Variants in AKAP9 observed in about 807,000 individuals in gnomAD.
AKAP9 encodes the protein A-kinase anchor protein 9.
In AKAP9, 311 loss-of-function variants were observed where a neutral mutation model predicts 488.5. That is an observed-to-expected ratio of 0.64 (90% CI 0.58 to 0.70). AKAP9 has a LOEUF of 0.70. Among genes scored for constraint, AKAP9 ranks in the 30% least tolerant of loss-of-function variants. The pLI, the probability that AKAP9 is intolerant of heterozygous loss-of-function variation, is 0.00. For synonymous variants in AKAP9, 1,462 were observed against 1,483.5 expected (o/e 0.99, Z 0.33); for missense variants, 4,215 against 4,374.5 (o/e 0.96, Z 1.03).
rs996476158 is a variant in AKAP9, at chr7:92,085,634, T to C, written c.8972T>C (p.Ile2991Thr). ...GAGAGAAAAGCTTACATCAATACAA[T>C]CTCATCTCTAAAGGATTTAATTACA... ...LEERKAYINT[I>T]SSLKDLITKM... is the part of the protein sequence containing the mutation. The change falls in exon 36 of 50, where the codon ATC becomes ACC. Residue 2991 changes from isoleucine to threonine, a missense_variant. Ile to Thr is a moderately conservative substitution (Grantham distance 89, BLOSUM62 -1). Transcript: ENST00000356239. 4.3e-6 allele frequency: 7 copies of C among 1,613,614 alleles called. No individual in the cohort carries two copies. The African/African-American group carries it at 8.0e-5, about 18-fold the overall frequency.
At chr7:92,015,295 A>G (rs1322611610) in intron 10 of AKAP9, among the ~76,000 whole-genome samples, 1 of 152,200 alleles carries the variant, frequency 6.6e-6, no homozygotes, top group African/African-American at 2.4e-5. Flanking sequence ...AAGAACCGGA[A>G]CAACGCGTCA....
chr7:92,086,465 G>A (rs754863577), intron 37 of AKAP9, 49 bp downstream of exon 37: 1 of 1,444,998 alleles, frequency 6.9e-7, no homozygotes, highest in African/African-American at 1.4e-5. Context: ...ATAAGGAAAT[G>A]ACTATTGATT....
chr7:92,000,163 A>G (rs1798972339), intron 7 of AKAP9, among the ~76,000 whole-genome samples: 2 of 152,204 alleles, frequency 1.3e-5, no homozygotes, highest in Non-Finnish European at 2.9e-5. Flanking sequence ...CCAAATAAGA[A>G]CTGGGGGAGA....
chr7:91,988,193 G>A (rs1224787914), intron 3 of AKAP9, among the ~76,000 whole-genome samples: 1 of 143,584 alleles, frequency 7.0e-6, no homozygotes, highest in African/African-American at 2.6e-5. Flanking sequence ...ATCATCACAA[G>A]ATATGTCATA....
intron 1 of AKAP9, among the ~76,000 whole-genome samples, chr7:91,955,268 T>A (rs1170363636): frequency 6.6e-6 from 1 of 152,164 alleles, no homozygotes; most frequent in Non-Finnish European, 1.5e-5. Flanking sequence ...TAAAAATACT[T>A]AAATATTTCT....
intron 1 of AKAP9, among the ~76,000 whole-genome samples, chr7:91,955,035 G>A (rs1280240118): frequency 1.3e-5 from 2 of 152,140 alleles, no homozygotes; most frequent in African/African-American, 2.4e-5. Context: ...TATGATTATT[G>A]TATGACACAC....
intron 16 of AKAP9, among the ~76,000 whole-genome samples, chr7:92,035,194 CCCCGTGACTTCCT>C (rs1804989026): frequency 1.3e-5 from 2 of 152,282 alleles, no homozygotes; most frequent in East Asian, 3.9e-4. Context: ...ATATTATTTC[CCCCGTGACTTCCT>C]CTTTGATTCA....
rs570181505 is a variant in AKAP9 at position 92,045,920 on chromosome 7, G to A, written c.5368+707G>A. On this transcript the variant is annotated intron_variant, in intron 21 of 49. Transcript: ENST00000356239. ...GCAGTCTGGGCTCACTGCAACCTCT[G>A]TCTCCCGGGTTCAAGCAATTCTCCT... Among the ~76,000 whole-genome samples, 11 of 140,158 alleles carry A rather than the reference G, an allele frequency of 7.8e-5. No individual in the cohort carries two copies. The South Asian group carries it at 2.4e-3, about 31-fold the overall frequency. 91.9% of individuals were successfully genotyped at this position (140,158 alleles called of 152,430 possible). A position where few individuals can be genotyped will look rare whatever the true frequency, so the allele number is the denominator to read the frequency against.
chr7:92,032,762 A>AT (rs559159995), intron 16 of AKAP9, among the ~76,000 whole-genome samples: 613 of 149,566 alleles, frequency 4.1e-3, no homozygotes, highest in African/African-American at 8.8e-3. Context: ...AAACACTATC[A>AT]TTTTTTTTTT....
At position 92,001,398 on chromosome 7, in the gene AKAP9, C is replaced by T. The variant is rs749589216; in HGVS notation, c.1481C>T (p.Ala494Val). The change falls in exon 8 of 50, where the codon GCA becomes GTA. Residue 494 changes from alanine (A) to valine (V), a missense_variant. This residue lies in a region of AKAP9 where 2,361 missense variants were observed against 2,430.0 expected (regional missense o/e 0.97). Coordinates refer to ENST00000356239, the MANE Select transcript of AKAP9 (RefSeq NM_005751.5). ...NEDQIKLMNV[A>V]INELNIKLQD... ...GATCAGATAAAGTTAATGAATGTGG[C>T]AATAAATGAACTGAATATAAAATTG... 11 of 1,613,546 alleles carry T rather than the reference C, an allele frequency of 6.8e-6. No individual in the cohort carries two copies. The highest frequency in any genetic ancestry group is 9.3e-6 in the Non-Finnish European group (11 of 1,179,680).
In AKAP9 at chr7:92,086,373, C is replaced by T. The variant is rs764732139; in HGVS notation, c.9170C>T (p.Ala3057Val). Reference protein sequence around the residue: ...TELTALGTTDAVGLLNCLEQR... With the variant: ...TELTALGTTDVVGLLNCLEQR... ...CTGACAGCTCTAGGTACTACAGATG[C>T]AGTTGGTTTACTAAACTGTTTGGAA... Residue 3057 changes from alanine to valine, a missense_variant, in exon 37 of 50, where the codon GCA (alanine) becomes GTA (valine). Around this residue, in one of 5 missense-constraint regions of AKAP9, gnomAD observed 1,476 missense variants for 1,477.4 expected, o/e 1.00. Coordinates refer to ENST00000356239, the MANE Select transcript of AKAP9 (RefSeq NM_005751.5). 6.2e-7 allele frequency: 1 copy of T among 1,613,804 alleles called. No individual in the cohort carries two copies. Among genetic ancestry groups the T allele is most frequent in the East Asian group, 2.2e-5 (1 of 44,860 alleles).
chr7:91,969,027 A>G (rs1443741545), intron 1 of AKAP9, among the ~76,000 whole-genome samples: 1 of 151,968 alleles, frequency 6.6e-6, no homozygotes, highest in Non-Finnish European at 1.5e-5. Flanking sequence ...GTGGGACACC[A>G]TGCCTAGCCA....
At chr7:92,039,981 A>G (rs758619960) in intron 17 of AKAP9, among the ~76,000 whole-genome samples, 3 of 152,160 alleles carry the variant, frequency 2.0e-5, no homozygotes, top group Non-Finnish European at 4.4e-5. Context: ...TCAAAAATAA[A>G]TAAAATAAAA....
At chr7:91,981,277 G>C (rs1440840522) in intron 3 of AKAP9, among the ~76,000 whole-genome samples, 1 of 151,894 alleles carries the variant, frequency 6.6e-6, no homozygotes, top group Non-Finnish European at 1.5e-5. Context: ...CATATCCCTG[G>C]GTTCTGCATT....
At chr7:91,949,872 C>G (rs954356714) in intron 1 of AKAP9, among the ~76,000 whole-genome samples, 1 of 152,094 alleles carries the variant, frequency 6.6e-6, no homozygotes, top group African/African-American at 2.4e-5. Flanking sequence ...CAGTTACCAT[C>G]AGAGTTAAGA....
At chr7:91,970,435 A>T (rs1356298267) in intron 1 of AKAP9, 1 of 454,838 alleles carries the variant, frequency 2.2e-6, no homozygotes, top group African/African-American at 2.0e-5. Context: ...ATACCTTTAC[A>T]TGTTTTGTTT....
intron 7 of AKAP9, chr7:91,996,113 A>C (rs542712709): frequency 1.8e-4 from 56 of 319,678 alleles, no homozygotes; most frequent in African/African-American, 1.0e-3. Flanking sequence ...AAATTCAGAA[A>C]ATATTTTCAC....
intron 10 of AKAP9, among the ~76,000 whole-genome samples, chr7:92,014,675 C>CAAA (rs752530510): frequency 7.2e-5 from 11 of 152,218 alleles, no homozygotes; most frequent in Non-Finnish European, 1.6e-4. Context: ...GGTACTTTTA[C>CAAA]ACAAGGAGTG....
chr7:92,062,349 G>A lies in AKAP9; in HGVS notation c.5840G>A (p.Arg1947His), dbSNP rs762609050. Residue 1947 changes from arginine (R) to histidine (H), a missense_variant, in exon 24 of 50, where the codon CGT (arginine) becomes CAT (histidine). This residue lies in a region of AKAP9 where 2,361 missense variants were observed against 2,430.0 expected (regional missense o/e 0.97). Coordinates refer to ENST00000356239, the MANE Select transcript of AKAP9 (RefSeq NM_005751.5). ...CAGGAAAAAACTGATATAATAGATC[G>A]TCTTGAGCAGGAGTTGTTATGTGCA... The part of the protein sequence containing the change: ...QIQEKTDIID[R>H]LEQELLCASN... 1.1e-5 allele frequency: 17 copies of A among 1,613,744 alleles called. No homozygotes were observed. The highest frequency in any genetic ancestry group is 1.6e-4 in the Middle Eastern group (1 of 6,080).
Sources: gnomAD v4.1 joint callset for allele counts (sites outside exome capture counted in the v4.1 genomes callset) on GRCh38, gnomAD v4.1.1 for gene constraint, gnomAD v4.1.1 regional missense constraint, MANE v1.5 for transcripts, NCBI Gene and HGNC (gene_info 2026-07-23, HGNC 2026-07-21) for gene names.